Variants in CTNNA2 observed in about 807,000 individuals in gnomAD.
The protein encoded by CTNNA2 is catenin alpha-2.
In CTNNA2, 42 loss-of-function variants were observed where a neutral mutation model predicts 101.0. The ratio of observed to expected loss-of-function variants is 0.42; its 90% CI spans 0.32 to 0.54. The LOEUF (loss-of-function observed/expected upper bound fraction) is 0.54. Among genes scored for constraint, CTNNA2 ranks in the 20% least tolerant of loss-of-function variants. The probability of loss-of-function intolerance (pLI) is 0.14; values close to 1 mark genes in which losing one functional copy is unlikely to be tolerated. For missense variants in CTNNA2, 871 were observed against 1,223.1 expected (o/e 0.71, Z 4.29); for synonymous variants, 450 against 456.4 (o/e 0.99, Z 0.18).
chr2:79,344,647 T>C (rs936530993), intron 3 of CTNNA2, among the ~76,000 whole-genome samples: 27 of 151,900 alleles, frequency 1.8e-4, no homozygotes, highest in African/African-American at 6.0e-4. Context: ...AGTTCAAAAT[T>C]CAGTCCTTCT....
chr2:80,088,535 T>A (rs935786409), intron 7 of CTNNA2, among the ~76,000 whole-genome samples: 3 of 152,104 alleles, frequency 2.0e-5, no homozygotes, highest in African/African-American at 7.2e-5. Flanking sequence ...AAGTCTATAA[T>A]GTATCTTTAA....
chr2:79,862,595 A>C (rs556411467), intron 4 of CTNNA2, among the ~76,000 whole-genome samples: 1 of 152,308 alleles, frequency 6.6e-6, no homozygotes, highest in Non-Finnish European at 1.5e-5. Context: ...ACCTTCATGC[A>C]GCTGCATTGT....
chr2:79,234,385 G>A (rs771542033), intron 2 of CTNNA2, among the ~76,000 whole-genome samples: 11 of 152,066 alleles, frequency 7.2e-5, no homozygotes, highest in Non-Finnish European at 1.3e-4. Context: ...TGGCTTGTAG[G>A]GTTTCTGCTG....
intron 4 of CTNNA2, among the ~76,000 whole-genome samples, chr2:79,440,129 C>A (rs1422030104): frequency 6.6e-6 from 1 of 151,976 alleles, no homozygotes; most frequent in Non-Finnish European, 1.5e-5. Flanking sequence ...TCTAAAGGTT[C>A]TATTAAGAGT....
At chr2:79,213,512 C>A (rs887862361) in intron 2 of CTNNA2, among the ~76,000 whole-genome samples, 1 of 152,080 alleles carries the variant, frequency 6.6e-6, no homozygotes, top group Admixed American at 6.6e-5. Flanking sequence ...GAGCAGTAGC[C>A]TTAATGATAG....
At chr2:79,491,541 G>A (rs886981949) in intron 4 of CTNNA2, among the ~76,000 whole-genome samples, 1 of 152,154 alleles carries the variant, frequency 6.6e-6, no homozygotes, top group Non-Finnish European at 1.5e-5. Flanking sequence ...ACAATCCCTG[G>A]AAGAGTTGAA....
chr2:79,609,217 A>G (rs1430758081), intron 1 of CTNNA2, among the ~76,000 whole-genome samples: 2 of 152,010 alleles, frequency 1.3e-5, no homozygotes, highest in African/African-American at 4.8e-5. Context: ...CTCTGTTTAT[A>G]GATATAAAAA....
chr2:80,213,345 G>A (rs1286089214), intron 7 of CTNNA2, among the ~76,000 whole-genome samples: 2 of 152,038 alleles, frequency 1.3e-5, no homozygotes, highest in East Asian at 3.9e-4. Context: ...TCTCTTGTGG[G>A]CATTTAGTGC....
At chr2:80,534,511 C>T (rs910870476) in intron 9 of CTNNA2, among the ~76,000 whole-genome samples, 53 of 152,110 alleles carry the variant, frequency 3.5e-4, no homozygotes, top group Non-Finnish European at 5.9e-4. Flanking sequence ...AATTGGAATT[C>T]AGCAACTGTG....
chr2:80,515,153 T>C (rs1017916633), intron 9 of CTNNA2, among the ~76,000 whole-genome samples: 7 of 148,284 alleles, frequency 4.7e-5, no homozygotes. Flanking sequence ...TTGCCCATCT[T>C]TTTTTTTTTT....
intron 7 of CTNNA2, among the ~76,000 whole-genome samples, chr2:80,366,114 C>T (rs934806229): frequency 2.0e-5 from 3 of 152,064 alleles, no homozygotes; most frequent in Non-Finnish European, 4.4e-5. Context: ...ACCAGTTTAC[C>T]AGGAAGAATG....
At chr2:79,825,871 T>C (rs1558556511) in intron 3 of CTNNA2, among the ~76,000 whole-genome samples, 1 of 152,184 alleles carries the variant, frequency 6.6e-6, no homozygotes, top group East Asian at 1.9e-4. Context: ...CTTGGATAAA[T>C]GAGGATTGCT....
chr2:79,926,619 G>A (rs1045654463), intron 7 of CTNNA2, among the ~76,000 whole-genome samples: 13 of 151,886 alleles, frequency 8.6e-5, no homozygotes, highest in African/African-American at 3.1e-4. Context: ...TTGAGGATAA[G>A]GTTTTAAATG....
chr2:79,771,583 A>G (rs1673583461), intron 3 of CTNNA2, among the ~76,000 whole-genome samples: 1 of 152,192 alleles, frequency 6.6e-6, no homozygotes, highest in South Asian at 2.1e-4. Context: ...TTAAATTCTC[A>G]TAAGGATCTG....
intron 17 of CTNNA2, among the ~76,000 whole-genome samples, chr2:80,616,121 T>A (rs1353537201): frequency 6.6e-6 from 1 of 151,744 alleles, no homozygotes; most frequent in Non-Finnish European, 1.5e-5. Flanking sequence ...AGATGTCCTG[T>A]CAAATCGGAA....
chr2:80,220,435 T>G (rs1172622995), intron 7 of CTNNA2, among the ~76,000 whole-genome samples: 1 of 152,202 alleles, frequency 6.6e-6, no homozygotes, highest in Non-Finnish European at 1.5e-5. Context: ...ATTTTTTAAA[T>G]TTTCAGCTGG....
At chr2:79,909,023 A>T (rs1432889532) in intron 6 of CTNNA2, among the ~76,000 whole-genome samples, 1 of 152,180 alleles carries the variant, frequency 6.6e-6, no homozygotes, top group Non-Finnish European at 1.5e-5. Flanking sequence ...GTTATTTGTG[A>T]CAAGTCTCAT....
At chr2:79,735,183 A>G (rs912156520) in intron 2 of CTNNA2, among the ~76,000 whole-genome samples, 4 of 152,268 alleles carry the variant, frequency 2.6e-5, no homozygotes, top group South Asian at 2.1e-4. Flanking sequence ...GAGGTTACCA[A>G]AAATGGAGCT....
At chr2:79,669,234 G>C (rs1189897878) in intron 2 of CTNNA2, among the ~76,000 whole-genome samples, 1 of 152,206 alleles carries the variant, frequency 6.6e-6, no homozygotes, top group Admixed American at 6.5e-5. Context: ...AGAAATGTTG[G>C]TAATAGGATC....
Sources: allele counts gnomAD v4.1 joint callset (sites outside exome capture counted in the v4.1 genomes callset), GRCh38; gene constraint gnomAD v4.1.1; transcripts MANE v1.5; gene names NCBI Gene and HGNC (gene_info 2026-07-23, HGNC 2026-07-21).